The following IFT122 variants were observed in gnomAD, a reference collection of about 807,000 sequenced individuals.
The protein encoded by IFT122 is intraflagellar transport 122, also known as intraflagellar transport protein 122 homolog.
In IFT122, 118 loss-of-function variants were observed where a neutral mutation model predicts 161.6. That is an observed-to-expected ratio of 0.73 (90% confidence interval 0.63 to 0.85). The LOEUF (loss-of-function observed/expected upper bound fraction) is 0.85. Ranked by LOEUF, IFT122 falls within the 40% of genes least tolerant of loss-of-function variation. IFT122 has a pLI of 0.00. For synonymous variants in IFT122, 550 were observed against 602.4 expected, an observed-to-expected ratio of 0.91 and a Z score of 1.27; for missense variants, 1,381 against 1,579.6, an observed-to-expected ratio of 0.87 and a Z score of 2.13.
intron 17 of IFT122, among the ~76,000 whole-genome samples, chr3:129,494,095 T>C (rs114535748): frequency 0.011 from 1,711 of 152,288 alleles, 31 homozygotes; most frequent in African/African-American, 0.039. Context: ...AACCTGCCCA[T>C]GTTGACATGC....
At chr3:129,460,879 C>T (rs755020519) in intron 4 of IFT122, 2 of 1,614,040 alleles carry the variant, frequency 1.2e-6, no homozygotes, top group Non-Finnish European at 1.7e-6. Flanking sequence ...GTCTTCATTG[C>T]ACCTCCATCT....
At chr3:129,509,745 T>G (rs959284266) in intron 23 of IFT122, among the ~76,000 whole-genome samples, 48 of 152,242 alleles carry the variant, frequency 3.2e-4, no homozygotes, top group African/African-American at 1.2e-3. Context: ...AGTCTGGCAC[T>G]GGAGCCTGTG....
At position 129,466,957 on chromosome 3, in the gene IFT122, A is replaced by G; in HGVS notation, c.631A>G (p.Ile211Val). 1 of 1,614,212 alleles carries G rather than the reference A, an allele frequency of 6.2e-7. No individual in the cohort carries two copies. The highest frequency in any genetic ancestry group is 8.5e-7 in the Non-Finnish European group (1 of 1,179,990). ...DAEDVIVNRY[I>V]QEIPSTLKSA... is the part of the protein sequence containing the mutation. Reference sequence around the variant, plus strand: ...CGAGGATGTCATTGTCAACAGATATATTCAGGAAATCCCTTCCACTCTGAA... The same window carrying G: ...CGAGGATGTCATTGTCAACAGATATGTTCAGGAAATCCCTTCCACTCTGAA... The change falls in exon 8 of 30, where the codon ATT becomes GTT. Residue 211 changes from isoleucine to valine, a missense_variant. Physicochemically the swap from Ile to Val is conservative, Grantham distance 29. Transcript: ENST00000348417.
intron 16 of IFT122, among the ~76,000 whole-genome samples, chr3:129,490,680 C>CA (rs1372764575): frequency 5.0e-4 from 76 of 152,344 alleles, no homozygotes; most frequent in African/African-American, 1.6e-3. Context: ...AGCGAGGACT[C>CA]AGACCTCGAA....
intron 23 of IFT122, among the ~76,000 whole-genome samples, chr3:129,508,588 T>G (rs939824250): frequency 8.5e-5 from 13 of 152,210 alleles, no homozygotes; most frequent in Non-Finnish European, 1.2e-4. Context: ...CAAACACATC[T>G]TTATTAATTA....
rs1234635948 is a variant in IFT122, at chr3:129,504,365, A to G, written c.2594A>G (p.Tyr865Cys). The change falls in exon 21 of 30, where the codon TAC (tyrosine) becomes TGC (cysteine). Residue 865 changes from tyrosine to cysteine, a missense_variant. Transcript: ENST00000348417. ...EKHPEFKDDI[Y>C]MPYAQWLAEN... is the part of the protein sequence containing the mutation. ...CATCCTGAGTTTAAGGATGACATCT[A>G]CATGCCGTATGCTCAGTGGCTAGCA... 2.5e-6 allele frequency: 4 copies of G among 1,614,176 alleles called. No individual in the cohort carries two copies. The Admixed American group carries it at 6.7e-5, about 27-fold the overall frequency.
intron 18 of IFT122, among the ~76,000 whole-genome samples, chr3:129,499,054 T>C (rs9873614): frequency 0.08 from 12,180 of 151,762 alleles, 1,237 homozygotes; most frequent in East Asian, 0.41. Context: ...AGGCCTGATC[T>C]CTGAGCCTCC....
At chr3:129,477,684 G>A (rs2078120963) in intron 11 of IFT122, among the ~76,000 whole-genome samples, 1 of 152,312 alleles carries the variant, frequency 6.6e-6, no homozygotes, top group East Asian at 1.9e-4. Flanking sequence ...CCAGAGGTGA[G>A]GTCAGTTACT....
At chr3:129,482,527 A>C (rs1299386180) in intron 14 of IFT122, among the ~76,000 whole-genome samples, 3 of 152,140 alleles carry the variant, frequency 2.0e-5, no homozygotes, top group Non-Finnish European at 4.4e-5. Flanking sequence ...CAGCAGCAGA[A>C]TCGATGGGGG....
intron 12 of IFT122, 131 bp from the exon 13 acceptor site, chr3:129,479,654 A>G: frequency 2.7e-6 from 3 of 1,131,374 alleles, no homozygotes; most frequent in Non-Finnish European, 4.0e-6. Context: ...CGTGGGGTCT[A>G]CATTGGGTTA....
chr3:129,468,918 C>T (rs2077079511), intron 8 of IFT122, among the ~76,000 whole-genome samples: 3 of 152,184 alleles, frequency 2.0e-5, no homozygotes, highest in Admixed American at 2.0e-4. Context: ...GCAAGTTTCC[C>T]TTCTATTAAA....
chr3:129,443,201 C>G (rs1438492155), intron 1 of IFT122, among the ~76,000 whole-genome samples: 2 of 152,146 alleles, frequency 1.3e-5, no homozygotes, highest in African/African-American at 4.8e-5. Flanking sequence ...ACATAAGTTA[C>G]CTAAGATTAC....
Position 129,476,349 on chromosome 3 carries a change from G to C in IFT122, c.851G>C (p.Cys284Ser). 6.2e-7 allele frequency: 1 copy of C among 1,614,182 alleles called. No homozygotes were observed. The highest frequency in any genetic ancestry group is 8.5e-7 in the Non-Finnish European group (1 of 1,180,044). ...GKDRALNFDPCCISYFTKGEY... is the reference protein window; with the variant it reads ...GKDRALNFDPSCISYFTKGEY... ...GATCGGGCACTGAACTTTGACCCCTGCTGCATCAGCTACTTTACTAAAGGC... is the reference window on the plus strand; with the variant it reads ...GATCGGGCACTGAACTTTGACCCCTCCTGCATCAGCTACTTTACTAAAGGC... Residue 284 changes from cysteine to serine, a missense_variant, in exon 10 of 30, where the codon TGC (cysteine) becomes TCC (serine). Cys to Ser is a moderately radical substitution (Grantham distance 112, BLOSUM62 -1). Coordinates refer to ENST00000348417, the MANE Select transcript of IFT122 (RefSeq NM_052989.3).
In IFT122 at chr3:129,483,587, C is replaced by T. The variant is rs763542696; in HGVS notation, c.1756C>T (p.His586Tyr). 5.0e-6 allele frequency: 8 copies of T among 1,614,154 alleles called. No homozygotes were observed. The South Asian group carries it at 7.7e-5, about 16-fold the overall frequency. The change falls in exon 15 of 30, where the codon CAC becomes TAC. Residue 586 changes from histidine (H) to tyrosine (Y), a missense_variant. His to Tyr is a moderately conservative substitution (Grantham distance 83). This residue lies in a region of IFT122 where 544 missense variants were observed against 648.0 expected (regional missense o/e 0.84). Transcript: ENST00000348417. ...CATCAAAGCCAGCACCTTCCCTGTGCACCGGCAGAAGCTGCAGGGCTTTGT... is the reference window on the plus strand; with the variant it reads ...CATCAAAGCCAGCACCTTCCCTGTGTACCGGCAGAAGCTGCAGGGCTTTGT... ...LNIKASTFPV[H>Y]RQKLQGFVVG...
intron 9 of IFT122, among the ~76,000 whole-genome samples, chr3:129,473,892 GGTT>G (rs1455499557): frequency 1.5e-4 from 23 of 151,788 alleles, no homozygotes; most frequent in African/African-American, 4.9e-4. Context: ...GCCCTGAAAT[GGTT>G]GTTGTTTATA....
At chr3:129,486,956 T>C (rs576581772) in intron 15 of IFT122, among the ~76,000 whole-genome samples, 1 of 152,086 alleles carries the variant, frequency 6.6e-6, no homozygotes, top group South Asian at 2.1e-4. Flanking sequence ...GATGGCATGG[T>C]GGAAAAGATA....
chr3:129,441,442 TC>T (rs2073089739), intron 1 of IFT122, among the ~76,000 whole-genome samples: 1 of 152,128 alleles, frequency 6.6e-6, no homozygotes, highest in South Asian at 2.1e-4. Flanking sequence ...CGTTGTGTCT[TC>T]ACCACTCTCT....
chr3:129,500,824 G>A (rs1559974902), intron 19 of IFT122, among the ~76,000 whole-genome samples: 1 of 152,224 alleles, frequency 6.6e-6, no homozygotes, highest in Non-Finnish European at 1.5e-5. Flanking sequence ...CCAAACGGAG[G>A]TGCTTAGATT....
intron 9 of IFT122, among the ~76,000 whole-genome samples, chr3:129,470,054 C>T (rs551677934): frequency 1.7e-3 from 260 of 151,830 alleles, no homozygotes; most frequent in African/African-American, 4.4e-3. Context: ...TTGAGCAGGC[C>T]ATCTTTGAGT....
Sources: gnomAD v4.1 joint callset for allele counts (sites outside exome capture counted in the v4.1 genomes callset) on GRCh38, gnomAD v4.1.1 for gene constraint, gnomAD v4.1.1 regional missense constraint, MANE v1.5 for transcripts, NCBI Gene and HGNC (gene_info 2026-07-23, HGNC 2026-07-21) for gene names.